Variants in IMMP2L observed in about 807,000 individuals in gnomAD.
IMMP2L encodes inner mitochondrial membrane peptidase subunit 2.
A neutral mutation model predicts 19.3 loss-of-function variants in IMMP2L; 18 were observed. The ratio of observed to expected loss-of-function variants is 0.93; its 90% CI spans 0.64 to 1.38. The LOEUF (loss-of-function observed/expected upper bound fraction) is 1.38, where lower values mean the gene tolerates loss of function less well. Among genes scored for constraint, IMMP2L ranks in the 40% most tolerant of loss-of-function variants. The probability of loss-of-function intolerance (pLI) is 0.00; values close to 1 mark genes in which losing one functional copy is unlikely to be tolerated. For synonymous variants in IMMP2L, 76 were observed against 73.0 expected, an observed-to-expected ratio of 1.04 and a Z score of -0.21; for missense variants, 233 against 218.2, an observed-to-expected ratio of 1.07 and a Z score of -0.43.
At chr7:110,765,662 C>A (rs967724739) in intron 5 of IMMP2L, among the ~76,000 whole-genome samples, 22 of 152,132 alleles carry the variant, frequency 1.4e-4, no homozygotes, top group African/African-American at 5.3e-4. Context: ...CTTAAAATTT[C>A]TTTTATTTTT....
intron 5 of IMMP2L, among the ~76,000 whole-genome samples, chr7:110,865,782 C>T (rs2129543299): frequency 6.6e-6 from 1 of 151,998 alleles, no homozygotes; most frequent in African/African-American, 2.4e-5. Flanking sequence ...TAGTATTTAA[C>T]CTGATTTCAG....
At chr7:111,529,444 T>C (rs1847189719) in intron 1 of IMMP2L, among the ~76,000 whole-genome samples, 1 of 152,200 alleles carries the variant, frequency 6.6e-6, no homozygotes, top group African/African-American at 2.4e-5. Flanking sequence ...AAGTAAACAA[T>C]ATTTTATAAA....
chr7:111,012,467 T>A (rs923726007), intron 3 of IMMP2L, among the ~76,000 whole-genome samples: 1 of 152,168 alleles, frequency 6.6e-6, no homozygotes, highest in Non-Finnish European at 1.5e-5. Flanking sequence ...TTATACTTTT[T>A]CAATTTACAA....
chr7:111,534,627 T>C (rs1385894499), intron 1 of IMMP2L, among the ~76,000 whole-genome samples: 1 of 152,192 alleles, frequency 6.6e-6, no homozygotes, highest in Non-Finnish European at 1.5e-5. Flanking sequence ...AATATTACAG[T>C]CTTTTCTGCT....
At chr7:110,859,755 A>C (rs1807197349) in intron 5 of IMMP2L, among the ~76,000 whole-genome samples, 1 of 151,976 alleles carries the variant, frequency 6.6e-6, no homozygotes, top group Non-Finnish European at 1.5e-5. Context: ...GTCTCAAAAA[A>C]AAAAAAAAAT....
Position 111,044,070 on chromosome 7 carries a change from T to C in IMMP2L, c.240-80505A>G, listed in dbSNP as rs80240712. Among the ~76,000 whole-genome samples the C allele has an allele frequency of 0.013, 1,935 of 152,328 alleles. 55 individuals are homozygous for C. In the East Asian group the frequency reaches 0.14, roughly 11 times the overall value. On this transcript the variant is annotated intron_variant, in intron 3 of 5. Coordinates refer to ENST00000405709, the MANE Select transcript of IMMP2L (RefSeq NM_032549.4). Reference sequence around the variant, plus strand: ...AAGACATTATGTCAAGCAACTATATTCTCTGAACCATTTTCAGTACAGTGA... The same window carrying C: ...AAGACATTATGTCAAGCAACTATATCCTCTGAACCATTTTCAGTACAGTGA...
At chr7:111,552,083 C>T (rs188335058) in intron 1 of IMMP2L, among the ~76,000 whole-genome samples, 7 of 151,958 alleles carry the variant, frequency 4.6e-5, no homozygotes, top group Admixed American at 6.6e-5. Flanking sequence ...ACTTCTACAC[C>T]AGAGATGTGA....
intron 5 of IMMP2L, among the ~76,000 whole-genome samples, chr7:110,722,625 C>T (rs1795643917): frequency 6.6e-6 from 1 of 152,200 alleles, no homozygotes; most frequent in East Asian, 1.9e-4. Context: ...ACATTGTACT[C>T]AATGTGAAAA....
chr7:111,053,243 C>A (rs1793164486), intron 3 of IMMP2L, among the ~76,000 whole-genome samples: 1 of 152,202 alleles, frequency 6.6e-6, no homozygotes, highest in Non-Finnish European at 1.5e-5. Context: ...TGGCATGCTT[C>A]CAGGGTGTTG....
intron 3 of IMMP2L, among the ~76,000 whole-genome samples, chr7:110,969,387 T>C (rs1025015230): frequency 2.0e-5 from 3 of 152,072 alleles, no homozygotes; most frequent in African/African-American, 7.2e-5. Flanking sequence ...CTATAGACTT[T>C]AGTTGTTTTT....
At chr7:110,881,070 A>T (rs1241935862) in intron 5 of IMMP2L, among the ~76,000 whole-genome samples, 1 of 151,974 alleles carries the variant, frequency 6.6e-6, no homozygotes, top group Non-Finnish European at 1.5e-5. Context: ...AATCATATAT[A>T]TTTTTTTCAT....
At chr7:111,400,957 T>C (rs1427065701) in intron 3 of IMMP2L, among the ~76,000 whole-genome samples, 2 of 152,216 alleles carry the variant, frequency 1.3e-5, no homozygotes, top group South Asian at 2.1e-4. Context: ...TTCCCAAATA[T>C]ATTCTGGTGA....
At chr7:110,666,392 A>T (rs2130265278) in intron 5 of IMMP2L, among the ~76,000 whole-genome samples, 1 of 152,230 alleles carries the variant, frequency 6.6e-6, no homozygotes, top group Admixed American at 6.5e-5. Flanking sequence ...CTCCTGCCTC[A>T]GCCTCCTGAG....
At chr7:110,857,213 C>G (rs1031884059) in intron 5 of IMMP2L, among the ~76,000 whole-genome samples, 2 of 152,090 alleles carry the variant, frequency 1.3e-5, no homozygotes, top group Non-Finnish European at 2.9e-5. Context: ...CTGGAGCAAA[C>G]TCAAAATTCT....
At chr7:111,405,321 G>C (rs1016284154) in intron 3 of IMMP2L, among the ~76,000 whole-genome samples, 16 of 151,924 alleles carry the variant, frequency 1.1e-4, no homozygotes, top group Non-Finnish European at 2.4e-4. Flanking sequence ...ACAGAGACCA[G>C]CTAAAAGTTC....
chr7:110,802,658 T>TTAAC (rs1485039858), intron 5 of IMMP2L, among the ~76,000 whole-genome samples: 1 of 152,026 alleles, frequency 6.6e-6, no homozygotes, highest in African/African-American at 2.4e-5. Context: ...ATAAAAACCA[T>TTAAC]TAACTATAAT....
chr7:110,864,113 C>G (rs1807738034), intron 5 of IMMP2L, among the ~76,000 whole-genome samples: 1 of 152,010 alleles, frequency 6.6e-6, no homozygotes, highest in African/African-American at 2.4e-5. Flanking sequence ...AGTGCAAAAT[C>G]AAAAATTTGA....
intron 3 of IMMP2L, among the ~76,000 whole-genome samples, chr7:111,473,141 T>C (rs925372634): frequency 1.1e-4 from 17 of 152,140 alleles, no homozygotes; most frequent in Non-Finnish European, 2.1e-4. Context: ...GAATATTTGC[T>C]GTTATTTCAA....
intron 3 of IMMP2L, among the ~76,000 whole-genome samples, chr7:111,321,416 GAGA>G (rs1448308943): frequency 6.6e-6 from 1 of 151,924 alleles, no homozygotes; most frequent in Non-Finnish European, 1.5e-5. Context: ...GAGTGCTCCT[GAGA>G]AGCTAGAGAC....
Sources: gnomAD v4.1 joint callset for allele counts (sites outside exome capture counted in the v4.1 genomes callset) on GRCh38, gnomAD v4.1.1 for gene constraint, MANE v1.5 for transcripts, NCBI Gene and HGNC (gene_info 2026-07-23, HGNC 2026-07-21) for gene names.